DGKB: variants seen among roughly 807,000 people sequenced by gnomAD.
DGKB encodes the protein diacylglycerol kinase beta, also known as 90 kDa diacylglycerol kinase.
A neutral mutation model predicts 114.3 loss-of-function variants in DGKB; 67 were observed. The ratio of observed to expected loss-of-function variants is 0.59; its 90% confidence interval spans 0.48 to 0.72. The LOEUF (loss-of-function observed/expected upper bound fraction) is 0.72. Ranked by LOEUF, DGKB falls within the 30% of genes least tolerant of loss-of-function variation. The pLI is 0.00. For missense variants in DGKB, 907 were observed against 975.2 expected (o/e 0.93, Z 0.93); for synonymous variants, 398 against 323.1 (o/e 1.23, Z -2.49).
At chr7:14,163,903 G>A (rs1304287996) in intron 25 of DGKB, among the ~76,000 whole-genome samples, 1 of 151,974 alleles carries the variant, frequency 6.6e-6, no homozygotes, top group Non-Finnish European at 1.5e-5. Flanking sequence ...GCTGAGGCAG[G>A]AGAATCGCTT....
At chr7:14,773,949 A>G (rs1586400052) in intron 2 of DGKB, among the ~76,000 whole-genome samples, 1 of 151,996 alleles carries the variant, frequency 6.6e-6, no homozygotes, top group East Asian at 1.9e-4. Context: ...CAATAAGCTC[A>G]TTTTCCTGAG....
intron 1 of DGKB, among the ~76,000 whole-genome samples, chr7:14,927,304 C>A (rs1026780607): frequency 4.6e-5 from 7 of 151,944 alleles, no homozygotes; most frequent in Non-Finnish European, 8.8e-5. Flanking sequence ...GTTTGAACCA[C>A]TAAGAATTAA....
intron 17 of DGKB, among the ~76,000 whole-genome samples, chr7:14,588,628 A>C (rs1801171229): frequency 6.6e-6 from 1 of 151,838 alleles, no homozygotes; most frequent in Non-Finnish European, 1.5e-5. Flanking sequence ...GTAGTGGAGC[A>C]CTTTTTTTCT....
intron 23 of DGKB, among the ~76,000 whole-genome samples, chr7:14,323,371 C>T (rs1038362941): frequency 7.2e-5 from 11 of 152,088 alleles, no homozygotes; most frequent in Non-Finnish European, 1.2e-4. Context: ...TATCAAAATT[C>T]ATTGACGGTA....
At chr7:14,531,852 T>C (rs1456980168) in intron 20 of DGKB, among the ~76,000 whole-genome samples, 1 of 150,680 alleles carries the variant, frequency 6.6e-6, no homozygotes, top group Non-Finnish European at 1.5e-5. Flanking sequence ...AAATGAAAAA[T>C]TAAAGAAAAA....
chr7:14,787,744 G>A (rs1440015753), intron 2 of DGKB, among the ~76,000 whole-genome samples: 1 of 152,202 alleles, frequency 6.6e-6, no homozygotes, highest in Non-Finnish European at 1.5e-5. Flanking sequence ...CAGGTGACGT[G>A]AGCATACCCC....
rs140249884 is a variant in DGKB, at chr7:14,896,768, T to C, written c.-188+5824A>G. ...TCATCCAAATAGTAAGGATTTTACA[T>C]CCAGACAGTTTGAACGCAGAAAGTA... On this transcript the variant is annotated intron_variant, in intron 1 of 25. Transcript: ENST00000402815. Among the ~76,000 whole-genome samples the C allele has an allele frequency of 1.5e-4, 23 of 151,874 alleles. No homozygotes were observed. In the East Asian group the frequency reaches 4.3e-3, roughly 28 times the overall value.
intron 5 of DGKB, among the ~76,000 whole-genome samples, chr7:14,734,056 A>C (rs1831333916): frequency 6.8e-6 from 1 of 146,776 alleles, no homozygotes; most frequent in Non-Finnish European, 1.5e-5. Context: ...TGGTGTGTGA[A>C]ATGGAGTCTC....
At chr7:14,736,786 C>T (rs1363690994) in intron 4 of DGKB, among the ~76,000 whole-genome samples, 3 of 152,204 alleles carry the variant, frequency 2.0e-5, no homozygotes, top group Admixed American at 6.5e-5. Context: ...CTCTGATACT[C>T]ATTGCAGAAC....
intron 1 of DGKB, among the ~76,000 whole-genome samples, chr7:14,848,313 G>A (rs1405948898): frequency 6.6e-6 from 1 of 152,120 alleles, no homozygotes; most frequent in Non-Finnish European, 1.5e-5. Flanking sequence ...CTGTATTTTG[G>A]CTTGAGTGCA....
chr7:14,596,284 T>C (rs1802566099), intron 17 of DGKB, among the ~76,000 whole-genome samples: 1 of 152,178 alleles, frequency 6.6e-6, no homozygotes, highest in Non-Finnish European at 1.5e-5. Context: ...GCTTCTGTTT[T>C]GATGACACAT....
intron 5 of DGKB, chr7:14,718,904 C>A: frequency 2.2e-6 from 1 of 445,156 alleles, no homozygotes; most frequent in Non-Finnish European, 3.9e-6. Context: ...ATGGCACTGC[C>A]CTATCAGCCA....
chr7:14,242,777 T>C (rs1033533200), intron 23 of DGKB, among the ~76,000 whole-genome samples: 2 of 151,968 alleles, frequency 1.3e-5, no homozygotes, highest in African/African-American at 4.8e-5. Context: ...TCAATAATAA[T>C]AACTGAAGAT....
chr7:14,531,137 C>T lies in DGKB; in HGVS notation c.1770+43075G>A, dbSNP rs10272545. ...AAAATCTGGTACACCAAAGGGAATG[C>T]TGACTTTTACCACATATAATCAGTC... On this transcript the variant is annotated intron_variant, in intron 20 of 25. Transcript: ENST00000402815. Among the ~76,000 whole-genome samples the T allele has an allele frequency of 6.8e-3, 1,026 of 151,528 alleles. 10 individuals are homozygous for T. Among genetic ancestry groups the T allele is most frequent in the African/African-American group, 0.023 (962 of 41,490 alleles).
At chr7:14,499,632 G>C (rs1009412551) in intron 20 of DGKB, among the ~76,000 whole-genome samples, 3 of 151,766 alleles carry the variant, frequency 2.0e-5, no homozygotes, top group Non-Finnish European at 4.4e-5. Context: ...TTACAAGCAA[G>C]GAAACTGAGG....
At chr7:14,478,427 C>T (rs7794432) in intron 20 of DGKB, among the ~76,000 whole-genome samples, 81,288 of 151,956 alleles carry the variant, frequency 0.53, 22,319 homozygotes, top group East Asian at 0.86. Flanking sequence ...AAGTGATTTA[C>T]GTAATAATTT....
At chr7:14,326,067 CTT>C (rs72334706) in intron 23 of DGKB, among the ~76,000 whole-genome samples, 61 of 134,754 alleles carry the variant, frequency 4.5e-4, no homozygotes, top group African/African-American at 7.3e-4. Context: ...TCACAGATTT[CTT>C]TTTTTTTTTT....
chr7:14,212,440 A>ATATTTACTCTCG (rs1788257153), intron 23 of DGKB, among the ~76,000 whole-genome samples: 5 of 107,220 alleles, frequency 4.7e-5, no homozygotes, highest in Non-Finnish European at 6.9e-5. Context: ...ATTTACTCTC[A>ATATTTACTCTCG]TGTTTTGTGT....
At chr7:14,274,311 T>C (rs1401744647) in intron 23 of DGKB, among the ~76,000 whole-genome samples, 1 of 152,150 alleles carries the variant, frequency 6.6e-6, no homozygotes. Flanking sequence ...TTTTATTTTT[T>C]CTCTCGGCAA....
Sources: gnomAD v4.1 joint callset for allele counts (sites outside exome capture counted in the v4.1 genomes callset) on GRCh38, gnomAD v4.1.1 for gene constraint, MANE v1.5 for transcripts, NCBI Gene and HGNC (gene_info 2026-07-23, HGNC 2026-07-21) for gene names.